The following JADE2 variants were observed in gnomAD, a reference collection of about 807,000 sequenced individuals.
JADE2 encodes jade family PHD finger 2.
Under a neutral mutation model 85.7 loss-of-function variants are expected in JADE2, and 13 were observed. That is an observed-to-expected ratio of 0.15 (90% confidence interval 0.10 to 0.24). The LOEUF is 0.24. JADE2 is among the 10% of genes least tolerant of loss of function. The pLI, the probability that JADE2 is intolerant of heterozygous loss-of-function variation, is 1.00. For synonymous variants in JADE2, 440 were observed against 456.1 expected, an observed-to-expected ratio of 0.96 and a Z score of 0.45; for missense variants, 846 against 1,115.9, an observed-to-expected ratio of 0.76 and a Z score of 3.45.
chr5:134,564,620 C>T lies in JADE2; in HGVS notation c.969+10C>T. ...AGGCACCTGCATCCAGGTATGTGGC[C>T]TACTTCACCTCCTGCTGCCAGGAGC... On this transcript the variant is annotated intron_variant, in intron 8 of 11. Transcript: ENST00000681547. 3 of 1,505,850 alleles carry T rather than the reference C, an allele frequency of 2.0e-6. No individual in the cohort carries two copies. The highest frequency in any genetic ancestry group is 2.7e-6 in the Non-Finnish European group (3 of 1,114,590). 93.3% of individuals were successfully genotyped at this position (1,505,850 alleles called of 1,614,324 possible). A position where few individuals can be genotyped will look rare whatever the true frequency, so the allele number is the denominator to read the frequency against.
intron 9 of JADE2, among the ~76,000 whole-genome samples, chr5:134,571,974 C>G (rs889702578): frequency 6.6e-6 from 1 of 152,248 alleles, no homozygotes; most frequent in Admixed American, 6.5e-5. Flanking sequence ...CCACCTGGTC[C>G]TGTCAGTAGT....
chr5:134,535,568 G>C (rs1188894512), intron 1 of JADE2, among the ~76,000 whole-genome samples: 1 of 152,108 alleles, frequency 6.6e-6, no homozygotes, highest in African/African-American at 2.4e-5. Flanking sequence ...TTCAGTTTGG[G>C]CTTGCTGATG....
In JADE2 at chr5:134,560,876, C is replaced by T. The variant is rs12054699; in HGVS notation, c.603C>T (p.Val201=). Residue 201 remains valine, a synonymous_variant, in exon 6 of 12, where the codon GTC becomes GTT. Transcript: ENST00000681547. ...GCATCGAGTACGACGAGGATGTTGTCTGCGACGTGTGTCGCTCTCCTGAGG... is the reference window on the plus strand; with the variant it reads ...GCATCGAGTACGACGAGGATGTTGTTTGCGACGTGTGTCGCTCTCCTGAGG... The part of the protein sequence containing the change: ...GLGIEYDEDV[V]CDVCRSPEGE... The T allele has an allele frequency of 1.2e-6, 2 of 1,614,132 alleles. No homozygotes were observed. Among genetic ancestry groups the T allele is most frequent in the Non-Finnish European group, 1.7e-6 (2 of 1,180,058 alleles).
At chr5:134,554,796 A>G (rs1762811481) in intron 4 of JADE2, among the ~76,000 whole-genome samples, 1 of 152,110 alleles carries the variant, frequency 6.6e-6, no homozygotes, top group African/African-American at 2.4e-5. Context: ...CTCCCACTGC[A>G]CAGCCCTCAT....
At chr5:134,538,782 C>A (rs1458493974) in intron 3 of JADE2, among the ~76,000 whole-genome samples, 1 of 152,000 alleles carries the variant, frequency 6.6e-6, no homozygotes, top group African/African-American at 2.4e-5. Flanking sequence ...ATTGCACTGA[C>A]CACAGAAGAA....
chr5:134,556,525 TACAC>T (rs1185245449), intron 4 of JADE2, among the ~76,000 whole-genome samples: 12 of 40,052 alleles, frequency 3.0e-4, no homozygotes, highest in African/African-American at 4.4e-4. Context: ...ACACAACACA[TACAC>T]ACACACCACA....
At position 134,552,181 on chromosome 5, in the gene JADE2, G is replaced by A; in HGVS notation, c.283G>A (p.Ala95Thr). The A allele has an allele frequency of 1.9e-6, 3 of 1,614,216 alleles. No homozygotes were observed. The highest frequency in any genetic ancestry group is 2.5e-6 in the Non-Finnish European group (3 of 1,180,018). Residue 95 changes from alanine to threonine, a missense_variant, in exon 4 of 12, where the codon GCA becomes ACA. Coordinates refer to ENST00000681547, the MANE Select transcript of JADE2 (RefSeq NM_001388185.1). The part of the protein sequence containing the change: ...WEKGVQVPAG[A>T]EAIPEPVVRI... ...GAAAGGTGTGCAGGTGCCTGCCGGG[G>A]CAGAGGCCATCCCAGAGCCCGTGGT... is the stretch of plus-strand genomic sequence containing the variant.
intron 10 of JADE2, chr5:134,575,527 G>A (rs2150021707): frequency 6.6e-6 from 1 of 152,380 alleles, no homozygotes; most frequent in African/African-American, 2.4e-5. Flanking sequence ...TTGTAGCCTG[G>A]GGGAGGAGCT....
rs990316644 is a variant in JADE2, at chr5:134,525,784, G to C, written c.-228G>C. The stretch of plus-strand genomic sequence containing the variant: ...GAGTTACTTTGCGCCCACTCCTAGC[G>C]GCACCGGCTTAGGTCCTGCGGGCCG... On this transcript the variant is annotated 5_prime_UTR_variant, in exon 1 of 12. Transcript: ENST00000681547. 3 of 1,139,940 alleles carry C rather than the reference G, an allele frequency of 2.6e-6. No individual in the cohort carries two copies. The South Asian group carries it at 5.2e-5, about 20-fold the overall frequency. The allele number at this position is 1,139,940 out of a possible 1,614,324, so 70.6% of individuals were successfully genotyped here. A position where few individuals can be genotyped will look rare whatever the true frequency, so the allele number is the denominator to read the frequency against.
intron 3 of JADE2, among the ~76,000 whole-genome samples, chr5:134,539,043 T>TTTTATTATTTA (rs1554124819): frequency 3.0e-5 from 4 of 134,378 alleles, no homozygotes; most frequent in Non-Finnish European, 4.7e-5. Context: ...TTTATTTTTA[T>TTTTATTATTTA]TTTATTTATT....
chr5:134,524,997 G>A (rs1373089480), upstream of JADE2, among the ~76,000 whole-genome samples: 1 of 152,242 alleles, frequency 6.6e-6, no homozygotes, highest in Admixed American at 6.5e-5. Context: ...GTCTTCCAGC[G>A]CTGGAGCCCC....
At chr5:134,570,737 C>A (rs1393495741) in intron 9 of JADE2, among the ~76,000 whole-genome samples, 1 of 152,146 alleles carries the variant, frequency 6.6e-6, no homozygotes, top group Admixed American at 6.5e-5. Context: ...TGGTTTACCC[C>A]CCTCCCTCTC....
rs1305061406 is a variant in JADE2, at chr5:134,566,704, G to A, written c.1434+124G>A. The A allele has an allele frequency of 3.0e-5, 23 of 757,740 alleles. No individual in the cohort carries two copies. The East Asian group carries it at 3.5e-4, about 12-fold the overall frequency. The allele number at this position is 757,740 out of a possible 1,614,324, so 46.9% of individuals were successfully genotyped here. On this transcript the variant is annotated intron_variant, in intron 9 of 11. Coordinates refer to ENST00000681547, the MANE Select transcript of JADE2 (RefSeq NM_001388185.1). The surrounding 1 kb of genome is among the most constrained non-coding windows in gnomAD (Gnocchi z 6.7). ...CTCAAACTGTGAGCTCTGGTGGACC[G>A]GCCCTGCTGCAGGAGCCTGCCAAGG...
intron 3 of JADE2, among the ~76,000 whole-genome samples, chr5:134,545,869 C>G (rs1418314097): frequency 1.3e-5 from 2 of 152,152 alleles, no homozygotes; most frequent in Non-Finnish European, 2.9e-5. Flanking sequence ...TTCAAACTTT[C>G]CTTGAGGGGT....
chr5:134,531,771 C>T (rs1050016796), intron 1 of JADE2, among the ~76,000 whole-genome samples: 5 of 150,698 alleles, frequency 3.3e-5, no homozygotes, highest in Admixed American at 6.6e-5. Flanking sequence ...TTAGTAGAGA[C>T]GGGGTTTCAC....
At chr5:134,527,843 T>A (rs1303794173) in intron 1 of JADE2, among the ~76,000 whole-genome samples, 1 of 152,196 alleles carries the variant, frequency 6.6e-6, no homozygotes, top group African/African-American at 2.4e-5. Flanking sequence ...GAAGGGTCAC[T>A]GGGTGTCTTT....
At chr5:134,524,454 G>GGAGGAGGGGC (rs1760688444), upstream of JADE2, 1 of 152,510 alleles carries the variant, frequency 6.6e-6, no homozygotes, top group South Asian at 2.1e-4. Flanking sequence ...TGGAGCCGGA[G>GGAGGAGGGGC]GAGGAGGGGC....
chr5:134,573,850 G>T lies in JADE2; in HGVS notation c.1552+88G>T, dbSNP rs191038497. 1,334 of 873,530 alleles carry T rather than the reference G, an allele frequency of 1.5e-3. 7 individuals are homozygous for T. The highest frequency in any genetic ancestry group is 2.8e-3 in the South Asian group (213 of 76,066). The allele number at this position is 873,530 out of a possible 1,614,324, so 54.1% of individuals were successfully genotyped here. On this transcript the variant is annotated intron_variant, in intron 10 of 11. Transcript: ENST00000681547. ...CAAGGAGGGTGTGTCTTTGGATCCT[G>T]GTGGGGGTATGTGCGTGGAGCCAAG...
intron 11 of JADE2, chr5:134,577,136 A>C: frequency 2.1e-6 from 1 of 481,944 alleles, no homozygotes; most frequent in Non-Finnish European, 3.6e-6. Flanking sequence ...AGGCTGGGCC[A>C]CGCCCACTCA....
Sources: gnomAD v4.1 joint callset for allele counts (sites outside exome capture counted in the v4.1 genomes callset) on GRCh38, gnomAD v4.1.1 for gene constraint, Gnocchi (gnomAD v3.1) non-coding constraint, MANE v1.5 for transcripts, NCBI Gene and HGNC (gene_info 2026-07-23, HGNC 2026-07-21) for gene names.